Variants in NLRC5 observed in about 807,000 individuals in gnomAD.
NLRC5 encodes the protein protein NLRC5.
Under a neutral mutation model 206.9 loss-of-function variants are expected in NLRC5, and 114 were observed. That is an observed-to-expected ratio of 0.55 (90% CI 0.47 to 0.64). NLRC5 has a LOEUF of 0.64. Ranked by LOEUF, NLRC5 falls within the 30% of genes least tolerant of loss-of-function variation. The pLI is 0.00. For synonymous variants in NLRC5, 952 were observed against 962.8 expected, an observed-to-expected ratio of 0.99 and a Z score of 0.21; for missense variants, 2,008 against 2,305.5, an observed-to-expected ratio of 0.87 and a Z score of 2.64.
In NLRC5 at chr16:57,028,071, G is replaced by A. The variant is rs1207534081; in HGVS notation, c.2076-1G>A. 1.9e-6 allele frequency: 3 copies of A among 1,612,182 alleles called. No homozygotes were observed. Among genetic ancestry groups the A allele is most frequent in the Non-Finnish European group, 2.5e-6 (3 of 1,178,646 alleles). ...TGACACTTCGCTTCTTCTTATGGCA[G>A]CTTTAAGAGCAGGAAGTGTGGGGAT... On this transcript the variant is annotated splice_acceptor_variant, in intron 6 of 48. Coordinates refer to ENST00000688547, the MANE Select transcript of NLRC5 (RefSeq NM_001384950.1). LOFTEE classifies it high-confidence loss of function.
intron 1 of NLRC5, among the ~76,000 whole-genome samples, chr16:57,012,842 T>C (rs1249810268): frequency 6.6e-6 from 1 of 152,182 alleles, no homozygotes; most frequent in African/African-American, 2.4e-5. Flanking sequence ...ATATATACGG[T>C]GTCCTGTTTC....
intron 1 of NLRC5, among the ~76,000 whole-genome samples, chr16:57,003,450 G>A (rs568763398): frequency 1.2e-4 from 18 of 152,136 alleles, no homozygotes; most frequent in Non-Finnish European, 2.4e-4. Flanking sequence ...ACCCCCCATA[G>A]CAGACACTGT....
At chr16:57,065,355 T>C in intron 33 of NLRC5, 57 bp downstream of exon 33, 1 of 1,282,672 alleles carries the variant, frequency 7.8e-7, no homozygotes, top group South Asian at 1.5e-5. Flanking sequence ...GCATTGGGAC[T>C]TTTCCTTGAC....
chr16:57,069,283 A>C (rs569123427), intron 36 of NLRC5, among the ~76,000 whole-genome samples: 85 of 152,228 alleles, frequency 5.6e-4, no homozygotes, highest in African/African-American at 2.0e-3. Context: ...TTTTATTTCC[A>C]TCTAACTGAT....
intron 4 of NLRC5, 91 bp from the exon 5 acceptor site, chr16:57,023,694 T>C (rs935776149): frequency 6.5e-6 from 7 of 1,080,786 alleles, no homozygotes; most frequent in Non-Finnish European, 9.5e-6. Context: ...CTGCCACCTG[T>C]CTGTGGACTG....
intron 16 of NLRC5, among the ~76,000 whole-genome samples, 163 bp from the exon 17 acceptor site, chr16:57,040,487 C>T (rs2063145123): frequency 6.6e-6 from 1 of 152,176 alleles, no homozygotes; most frequent in Non-Finnish European, 1.5e-5. Flanking sequence ...TGTGATTTGT[C>T]CAGGGTCACA....
intron 39 of NLRC5, among the ~76,000 whole-genome samples, chr16:57,075,692 T>A (rs2068312157): frequency 6.6e-6 from 1 of 152,140 alleles, no homozygotes; most frequent in Non-Finnish European, 1.5e-5. Context: ...TTCAATGTGA[T>A]TTTTCAAAAC....
At chr16:57,037,335 C>T (rs776147497) in intron 15 of NLRC5, 51 bp downstream of exon 15, 10 of 1,509,874 alleles carry the variant, frequency 6.6e-6, no homozygotes, top group Non-Finnish European at 9.1e-7. Flanking sequence ...ATCATGCTCT[C>T]TCTGAAGCCC....
intron 32 of NLRC5, among the ~76,000 whole-genome samples, chr16:57,063,420 C>T (rs1362387721): frequency 6.6e-6 from 1 of 152,080 alleles, no homozygotes. Flanking sequence ...CCAGCCCTTT[C>T]CTTTTTTAAG....
At chr16:57,049,644 G>A (rs369587335) in intron 23 of NLRC5, among the ~76,000 whole-genome samples, 1 of 152,030 alleles carries the variant, frequency 6.6e-6, no homozygotes, top group East Asian at 1.9e-4. Flanking sequence ...GCAGGCAGGA[G>A]ACTTGCTTGA....
intron 35 of NLRC5, 88 bp from the exon 36 acceptor site, chr16:57,067,648 C>T (rs984215338): frequency 3.0e-5 from 43 of 1,425,570 alleles, no homozygotes; most frequent in Non-Finnish European, 4.1e-5. Flanking sequence ...GTGGCCCCTT[C>T]TCCTCTCTTG....
chr16:57,029,694 C>A, intron 8 of NLRC5, 79 bp from the exon 9 acceptor site: 1 of 1,181,742 alleles, frequency 8.5e-7, no homozygotes, highest in Non-Finnish European at 1.2e-6. Context: ...ATGAGGGTGG[C>A]CATCCTGTCA....
At chr16:57,018,162 C>T (rs1289311221) in intron 2 of NLRC5, among the ~76,000 whole-genome samples, 1 of 152,194 alleles carries the variant, frequency 6.6e-6, no homozygotes, top group South Asian at 2.1e-4. Context: ...CTGCCCTGGA[C>T]CATTTCTTCA....
chr16:57,079,249 G>C lies in NLRC5; in HGVS notation c.5194G>C (p.Val1732Leu). 1.9e-6 allele frequency: 3 copies of C among 1,613,708 alleles called. No individual in the cohort carries two copies. Among genetic ancestry groups the C allele is most frequent in the Non-Finnish European group, 1.7e-6 (2 of 1,180,024 alleles). Residue 1732 changes from valine (V) to leucine (L), a missense_variant, in exon 45 of 49, where the codon GTC becomes CTC. Val to Leu is a conservative substitution (Grantham distance 32, BLOSUM62 1). Transcript: ENST00000688547. The part of the protein sequence containing the change: ...SLAENNLAGG[V>L]LRFCMELPLL... ...GGCGGAAAACAACCTGGCTGGAGGG[G>C]TCCTGCGTTTCTGTATGGAGCTCCC...
At position 57,034,183 on chromosome 16, in the gene NLRC5, G is replaced by A. The variant is rs370867324; in HGVS notation, c.2559G>A (p.Gln853=). The change falls in exon 13 of 49, where the codon CAG becomes CAA. Residue 853 remains glutamine (Q), a synonymous_variant. Coordinates refer to ENST00000688547, the MANE Select transcript of NLRC5 (RefSeq NM_001384950.1). ...CCTACCCAAGGCTGCAGAAGTGTCA[G>A]CTCCAGGTCCACGATGCGGAGGCCC... The part of the protein sequence containing the change: ...RSLTLRLQKC[Q]LQVHDAEALI... The A allele has an allele frequency of 6.2e-7, 1 of 1,614,084 alleles. No individual in the cohort carries two copies.
At chr16:57,012,672 C>T (rs778126414) in intron 1 of NLRC5, among the ~76,000 whole-genome samples, 4 of 152,098 alleles carry the variant, frequency 2.6e-5, no homozygotes, top group African/African-American at 9.7e-5. Flanking sequence ...TGAATCATCC[C>T]GAATCCATCC....
intron 1 of NLRC5, among the ~76,000 whole-genome samples, chr16:57,001,996 A>T (rs1036836219): frequency 6.6e-6 from 1 of 152,110 alleles, no homozygotes; most frequent in Non-Finnish European, 1.5e-5. Context: ...AAGTGAGAAC[A>T]AGTGATGTGT....
chr16:57,019,601 A>G (rs530264876), intron 2 of NLRC5, among the ~76,000 whole-genome samples: 159 of 152,156 alleles, frequency 1.0e-3, no homozygotes, highest in Non-Finnish European at 2.0e-3. Flanking sequence ...TTTACCTTCC[A>G]CCTTCCTCAG....
intron 28 of NLRC5, 69 bp from the exon 29 acceptor site, chr16:57,058,903 G>T: frequency 7.8e-7 from 1 of 1,287,806 alleles, no homozygotes. Flanking sequence ...AAGGGAGATG[G>T]AGGGGGCTGG....
Sources: allele counts gnomAD v4.1 joint callset (sites outside exome capture counted in the v4.1 genomes callset), GRCh38; gene constraint gnomAD v4.1.1; transcripts MANE v1.5; gene names NCBI Gene and HGNC (gene_info 2026-07-23, HGNC 2026-07-21).